The following TDP2 variants were observed in gnomAD, a reference collection of about 807,000 sequenced individuals.
The protein encoded by TDP2 is tyrosyl-DNA phosphodiesterase 2, also known as 5'-Tyr-DNA phosphodiesterase.
Under a neutral mutation model 42.8 loss-of-function variants are expected in TDP2, and 38 were observed. The observed-to-expected ratio is 0.89, with a 90% CI of 0.68 to 1.16. The LOEUF is 1.16. Ranked by LOEUF, TDP2 falls within the 50% of genes most tolerant of loss-of-function variation. TDP2 has a pLI of 0.00. For missense variants in TDP2, 439 were observed against 439.3 expected (o/e 1.00, Z 0.01); for synonymous variants, 173 against 150.6 (o/e 1.15, Z -1.09).
intron 2 of TDP2, among the ~76,000 whole-genome samples, chr6:24,665,213 G>A (rs1388509287): frequency 2.0e-4 from 31 of 152,178 alleles, no homozygotes. Context: ...CACAAAAAAA[G>A]ATATGTATGA....
chr6:24,665,907 T>C, intron 2 of TDP2: 1 of 522,042 alleles, frequency 1.9e-6, no homozygotes, highest in Non-Finnish European at 3.0e-6. Flanking sequence ...ATAAAGATCT[T>C]TACGAAGTTT....
chr6:24,659,254 T>C (rs3181230), intron 2 of TDP2: 19,339 of 152,240 alleles, frequency 0.13, 2,260 homozygotes, highest in East Asian at 0.45. Context: ...TCCAAACTTC[T>C]CAAGGAGAAT....
chr6:24,651,416 T>G (rs759900111), intron 6 of TDP2, among the ~76,000 whole-genome samples: 1 of 152,202 alleles, frequency 6.6e-6, no homozygotes, highest in Non-Finnish European at 1.5e-5. Context: ...GAACTGCCAC[T>G]CTACTTTAGT....
In TDP2 at chr6:24,666,697, C is replaced by G; in HGVS notation, c.165+1G>C. On this transcript the variant is annotated splice_donor_variant, in intron 1 of 6. Transcript: ENST00000378198. LOFTEE classifies it high-confidence loss of function. ...CGGAAGCGAGGACAGCGAAAGCGTA[C>G]TTCCATCTCCCAGTCGTTCTCGGCC... 6.2e-7 allele frequency: 1 copy of G among 1,614,280 alleles called. No individual in the cohort carries two copies. Among genetic ancestry groups the G allele is most frequent in the Non-Finnish European group, 8.5e-7 (1 of 1,180,040 alleles).
intron 5 of TDP2, 124 bp from the exon 6 acceptor site, chr6:24,653,277 C>T: frequency 1.0e-6 from 1 of 977,524 alleles, no homozygotes; most frequent in Non-Finnish European, 1.5e-6. Context: ...GTAAAATCAG[C>T]ACTATGCCTA....
rs750223762 is a variant in TDP2 at position 24,653,061 on chromosome 6, C to A, written c.729G>T (p.Met243Ile). The change falls in exon 6 of 7, where the codon ATG becomes ATT. Residue 243 changes from methionine (M) to isoleucine (I), a missense_variant. Met to Ile is a conservative substitution (Grantham distance 10). Transcript: ENST00000378198. Reference sequence around the variant, plus strand: ...GAGCCTCTTGCATTTTCTTTAAAACCATTTTTAACTGATTCATTCGTTCCG... The same window carrying A: ...GAGCCTCTTGCATTTTCTTTAAAACAATTTTTAACTGATTCATTCGTTCCG... ...HAAERMNQLKMVLKKMQEAPE... is the reference protein window; with the variant it reads ...HAAERMNQLKIVLKKMQEAPE... The A allele has an allele frequency of 3.1e-6, 5 of 1,614,106 alleles. No individual in the cohort carries two copies. The South Asian group carries it at 5.5e-5, about 18-fold the overall frequency.
intron 6 of TDP2, 102 bp from the exon 7 acceptor site, chr6:24,651,171 T>G: frequency 1.1e-6 from 1 of 907,558 alleles, no homozygotes; most frequent in Middle Eastern, 3.3e-4. Flanking sequence ...TGCAAGAAAT[T>G]ATTAATGCAG....
At position 24,653,092 on chromosome 6, in the gene TDP2, T is replaced by A. The variant is rs1298424370; in HGVS notation, c.698A>T (p.His233Leu). 6.2e-7 allele frequency: 1 copy of A among 1,614,196 alleles called. No individual in the cohort carries two copies. The highest frequency in any genetic ancestry group is 1.1e-5 in the South Asian group (1 of 91,086). ...MTSHLESTRG[H>L]AAERMNQLKM... ...TAACTGATTCATTCGTTCCGCAGCA[T>A]GCCCTCTGGTGCTCTCCAAATGGGA... Residue 233 changes from histidine to leucine, a missense_variant, in exon 6 of 7, where the codon CAT becomes CTT. Transcript: ENST00000378198.
rs934115641 is a variant in TDP2, at chr6:24,651,058, A to G, written c.819T>C (p.Cys273=). 1 of 1,611,342 alleles carries G rather than the reference A, an allele frequency of 6.2e-7. No homozygotes were observed. The highest frequency in any genetic ancestry group is 8.5e-7 in the Non-Finnish European group (1 of 1,178,416). ...CCACAATGTTGTTGGGTAAACCACC[A>G]CATCTGGTAACCTGAAAAGAAGAAG... The part of the protein sequence containing the change: ...TNLRDREVTR[C]GGLPNNIVDV... Residue 273 remains cysteine, a synonymous_variant, in exon 7 of 7, where the codon TGT becomes TGC. Coordinates refer to ENST00000378198, the MANE Select transcript of TDP2 (RefSeq NM_016614.3).
chr6:24,658,675 T>A lies in TDP2; in HGVS notation c.311A>T (p.Glu104Val). The A allele has an allele frequency of 6.2e-7, 1 of 1,614,010 alleles. No homozygotes were observed. Among genetic ancestry groups the A allele is most frequent in the Non-Finnish European group, 8.5e-7 (1 of 1,179,876 alleles). ...GCTGCCATTTTCTTGCTGAGTATCT[T>A]CAGATGGGCTGATTTTAGAAGTGGT... ...DSTTSKISPSEDTQQENGSMF... is the reference protein window; with the variant it reads ...DSTTSKISPSVDTQQENGSMF... The change falls in exon 3 of 7, where the codon GAA (glutamate) becomes GTA (valine). Residue 104 changes from glutamate to valine, a missense_variant. By Grantham distance (121) the Glu-to-Val change is moderately radical. Coordinates refer to ENST00000378198, the MANE Select transcript of TDP2 (RefSeq NM_016614.3).
chr6:24,664,061 G>A (rs549848969), intron 2 of TDP2, among the ~76,000 whole-genome samples: 1 of 152,330 alleles, frequency 6.6e-6, no homozygotes, highest in African/African-American at 2.4e-5. Context: ...TCATTCCTAA[G>A]CAGAGGAGGA....
chr6:24,657,445 C>T (rs1183273153), intron 4 of TDP2, among the ~76,000 whole-genome samples: 1 of 151,948 alleles, frequency 6.6e-6, no homozygotes, highest in Non-Finnish European at 1.5e-5. Context: ...AAAAAAAGTA[C>T]AAAAAGAACA....
chr6:24,662,035 G>A (rs1235764727), intron 2 of TDP2, among the ~76,000 whole-genome samples: 3 of 152,170 alleles, frequency 2.0e-5, no homozygotes, highest in Non-Finnish European at 4.4e-5. Flanking sequence ...TTAAAATTGT[G>A]TTTGCAAGCA....
rs558656047 is a variant in TDP2, at chr6:24,660,026, A to G, written c.252-1292T>C. On this transcript the variant is annotated intron_variant, in intron 2 of 6. Transcript: ENST00000378198. ...TATGAGTGGAGGGACAAACTTTATT[A>G]AAAGGTTAACTCCTAAGCATTTATA... Among the ~76,000 whole-genome samples the G allele has an allele frequency of 3.3e-5, 5 of 152,318 alleles. No individual in the cohort carries two copies. The South Asian group carries it at 1.0e-3, about 32-fold the overall frequency.
chr6:24,660,779 GAA>G (rs915516028), intron 2 of TDP2, among the ~76,000 whole-genome samples: 4 of 151,950 alleles, frequency 2.6e-5, no homozygotes, highest in African/African-American at 9.7e-5. Flanking sequence ...CTTCAATCCA[GAA>G]AAGTTTTTCA....
At position 24,659,616 on chromosome 6, in the gene TDP2, C is replaced by G. The variant is rs1448579188; in HGVS notation, c.252-882G>C. On this transcript the variant is annotated intron_variant, in intron 2 of 6. Coordinates refer to ENST00000378198, the MANE Select transcript of TDP2 (RefSeq NM_016614.3). Reference sequence around the variant, plus strand: ...GTATAAACTATGATCCCAAATTAGACTCAGAAACGTAGGATTTCTAAATCT... The same window carrying G: ...GTATAAACTATGATCCCAAATTAGAGTCAGAAACGTAGGATTTCTAAATCT... Among the ~76,000 whole-genome samples the G allele has an allele frequency of 5.3e-5, 8 of 152,186 alleles. No individual in the cohort carries two copies. In the East Asian group the frequency reaches 1.5e-3, roughly 29 times the overall value.
At position 24,650,982 on chromosome 6, in the gene TDP2, T is replaced by C; in HGVS notation, c.895A>G (p.Thr299Ala). 6.2e-7 allele frequency: 1 copy of C among 1,614,144 alleles called. No homozygotes were observed. Among genetic ancestry groups the C allele is most frequent in the Non-Finnish European group, 8.5e-7 (1 of 1,179,988 alleles). ...ATTCCAAGATTAGAGTTCATTTGTGTATCCCATGTATACTGGCAATGTTTA... is the reference window on the plus strand; with the variant it reads ...ATTCCAAGATTAGAGTTCATTTGTGCATCCCATGTATACTGGCAATGTTTA... ...KPKHCQYTWD[T>A]QMNSNLGITA... Residue 299 changes from threonine to alanine, a missense_variant, in exon 7 of 7, where the codon ACA becomes GCA. Physicochemically the swap from Thr to Ala is moderately conservative, Grantham distance 58. Coordinates refer to ENST00000378198, the MANE Select transcript of TDP2 (RefSeq NM_016614.3).
Position 24,651,017 on chromosome 6 carries a change from A to C in TDP2, c.860T>G (p.Leu287Trp), listed in dbSNP as rs758350133. ...PNNIVDVWEF[L>W]GKPKHCQYTW... Reference sequence around the variant, plus strand: ...ATACTGGCAATGTTTAGGTTTGCCCAAAAACTCCCAGACATCCACAATGTT... The same window carrying C: ...ATACTGGCAATGTTTAGGTTTGCCCCAAAACTCCCAGACATCCACAATGTT... Residue 287 changes from leucine (L) to tryptophan (W), a missense_variant, in exon 7 of 7, where the codon TTG (leucine) becomes TGG (tryptophan). Leu to Trp is a moderately conservative substitution (Grantham distance 61). Coordinates refer to ENST00000378198, the MANE Select transcript of TDP2 (RefSeq NM_016614.3). 2.7e-5 allele frequency: 44 copies of C among 1,613,718 alleles called. No individual in the cohort carries two copies. Among genetic ancestry groups the C allele is most frequent in the Non-Finnish European group, 3.4e-5 (40 of 1,179,832 alleles).
At chr6:24,661,709 CCTT>C (rs1778150568) in intron 2 of TDP2, among the ~76,000 whole-genome samples, 1 of 148,966 alleles carries the variant, frequency 6.7e-6, no homozygotes, top group African/African-American at 2.5e-5. Flanking sequence ...ATAAAAATAA[CCTT>C]CAAGAGCATA....
Sources: gnomAD v4.1 joint callset for allele counts (sites outside exome capture counted in the v4.1 genomes callset) on GRCh38, gnomAD v4.1.1 for gene constraint, MANE v1.5 for transcripts, NCBI Gene and HGNC (gene_info 2026-07-23, HGNC 2026-07-21) for gene names.